Variants in DLG1 observed in about 807,000 individuals in gnomAD.
The protein encoded by DLG1 is disks large homolog 1.
Under a neutral mutation model 123.4 loss-of-function variants are expected in DLG1, and 42 were observed. The ratio of observed to expected loss-of-function variants is 0.34; its 90% CI spans 0.27 to 0.44. DLG1 has a LOEUF of 0.44. DLG1 is among the 20% of genes least tolerant of loss of function. The pLI is 1.00. For missense variants in DLG1, 942 were observed against 1,082.6 expected, an observed-to-expected ratio of 0.87 and a Z score of 1.82; for synonymous variants, 317 against 356.2, an observed-to-expected ratio of 0.89 and a Z score of 1.24.
At chr3:197,145,830 T>C (rs2149707493) in intron 6 of DLG1, among the ~76,000 whole-genome samples, 1 of 138,026 alleles carries the variant, frequency 7.2e-6, no homozygotes, top group South Asian at 2.5e-4. Flanking sequence ...GGTGTGGTGG[T>C]GCACGTCTTT....
intron 4 of DLG1, among the ~76,000 whole-genome samples, chr3:197,217,393 C>T (rs569877172): frequency 1.3e-5 from 2 of 152,190 alleles, no homozygotes; most frequent in South Asian, 2.1e-4. Flanking sequence ...TATGAACCAT[C>T]GAAGTTTGTA....
intron 6 of DLG1, among the ~76,000 whole-genome samples, chr3:197,144,239 T>C (rs1368176100): frequency 6.6e-6 from 1 of 152,234 alleles, no homozygotes; most frequent in African/African-American, 2.4e-5. Flanking sequence ...GGTCATCTGA[T>C]GCCTGATAGT....
At chr3:197,231,458 T>G (rs1371621444) in intron 4 of DLG1, among the ~76,000 whole-genome samples, 1 of 151,936 alleles carries the variant, frequency 6.6e-6, no homozygotes, top group African/African-American at 2.4e-5. Flanking sequence ...TCCCAACACT[T>G]TGGGAGGCCG....
At position 197,058,881 on chromosome 3, in the gene DLG1, G is replaced by A. The variant is rs147247874; in HGVS notation, c.2483+1008C>T. Among the ~76,000 whole-genome samples, 12 of 152,238 alleles carry A rather than the reference G, an allele frequency of 7.9e-5. No homozygotes were observed. In the East Asian group the frequency reaches 1.9e-3, roughly 24 times the overall value. ...TGCTATGAAGTGCAAACAAATGTAC[G>A]AACAGATCTTCCTGTTGGAGTGAAT... On this transcript the variant is annotated intron_variant, in intron 23 of 24. Coordinates refer to ENST00000667157, the MANE Select transcript of DLG1 (RefSeq NM_001366207.1).
At chr3:197,276,821 G>C (rs1212309340) in intron 4 of DLG1, among the ~76,000 whole-genome samples, 1 of 151,978 alleles carries the variant, frequency 6.6e-6, no homozygotes, top group Non-Finnish European at 1.5e-5. Flanking sequence ...AATTTTTGTG[G>C]TGTTTTTTGG....
chr3:197,136,462 T>C (rs929348216), intron 10 of DLG1, 80 bp downstream of exon 10: 1 of 1,170,588 alleles, frequency 8.5e-7, no homozygotes, highest in Non-Finnish European at 1.2e-6. Flanking sequence ...ACCTTTTTGG[T>C]ATGGAGAAAT....
rs1207324749 is a variant in DLG1 at position 197,297,836 on chromosome 3, T to TGCGCCCCGGCCAGACTCGGAGCA, written c.-31-624_-31-602dup. The TGCGCCCCGGCCAGACTCGGAGCA allele has an allele frequency of 2.8e-5, 28 of 984,762 alleles. No homozygotes were observed. In the Admixed American group the frequency reaches 4.3e-4, roughly 15 times the overall value. The allele number at this position is 984,762 out of a possible 1,614,324, so 61.0% of individuals were successfully genotyped here. ...GAGCGGCGTGCGCTCGGAACTGGGG[T>TGCGCCCCGGCCAGACTCGGAGCA]GCGCCCCGGCCAGACTCGGAGCAGC... is the stretch of plus-strand genomic sequence containing the variant. On this transcript the variant is annotated intron_variant, in intron 1 of 24. Transcript: ENST00000667157.
At chr3:197,066,986 T>C (rs1324784485) in intron 19 of DLG1, among the ~76,000 whole-genome samples, 2 of 152,148 alleles carry the variant, frequency 1.3e-5, no homozygotes, top group Non-Finnish European at 2.9e-5. Context: ...ATCAATATTA[T>C]ATTTTATAGA....
chr3:197,261,044 A>T (rs1759196003), intron 4 of DLG1, among the ~76,000 whole-genome samples: 1 of 152,180 alleles, frequency 6.6e-6, no homozygotes, highest in South Asian at 2.1e-4. Flanking sequence ...AATCCATTTC[A>T]CTGATCCCCC....
chr3:197,051,618 C>G lies in DLG1; in HGVS notation c.2534G>C (p.Arg845Thr), dbSNP rs750334615. The part of the protein sequence containing the change: ...TEEQARKTFE[R>T]AMKLEQEFTE... Reference sequence around the variant, plus strand: ...AAACTCCTGTTCCAGTTTCATGGCTCTCTCAAATGTTTTTCTGGCTTGTTC... The same window carrying G: ...AAACTCCTGTTCCAGTTTCATGGCTGTCTCAAATGTTTTTCTGGCTTGTTC... The change falls in exon 24 of 25, where the codon AGA (arginine) becomes ACA (threonine). Residue 845 changes from arginine to threonine, a missense_variant. Coordinates refer to ENST00000667157, the MANE Select transcript of DLG1 (RefSeq NM_001366207.1). The G allele has an allele frequency of 6.2e-7, 1 of 1,613,894 alleles. No individual in the cohort carries two copies. Among genetic ancestry groups the G allele is most frequent in the South Asian group, 1.1e-5 (1 of 91,084 alleles).
At chr3:197,179,276 A>C (rs1577602669) in intron 5 of DLG1, among the ~76,000 whole-genome samples, 2 of 152,056 alleles carry the variant, frequency 1.3e-5, no homozygotes, top group South Asian at 2.1e-4. Context: ...CTTGGTACCA[A>C]GTGGATAATC....
intron 3 of DLG1, among the ~76,000 whole-genome samples, chr3:197,294,476 C>A (rs143223909): frequency 2.6e-4 from 39 of 152,126 alleles, no homozygotes; most frequent in African/African-American, 9.2e-4. Context: ...GAAACCCCGT[C>A]TTTACTAAAA....
At chr3:197,269,043 C>T (rs867701296) in intron 4 of DLG1, among the ~76,000 whole-genome samples, 1 of 152,166 alleles carries the variant, frequency 6.6e-6, no homozygotes, top group East Asian at 1.9e-4. Flanking sequence ...TTCTGGAATA[C>T]CTCCTGAAGG....
rs143212607 is a variant in DLG1, at chr3:197,064,483, G to A, written c.2373+793C>T. Among the ~76,000 whole-genome samples, 164 of 152,254 alleles carry A rather than the reference G, an allele frequency of 1.1e-3. 1 individual carries two copies. Among genetic ancestry groups the A allele is most frequent in the East Asian group, 6.2e-3 (32 of 5,172 alleles). ...GCTGGGATTACAGGCGTGAGCCACC[G>A]CACCCGGCCTTTACATTTCTTTAAT... is the stretch of plus-strand genomic sequence containing the variant. On this transcript the variant is annotated intron_variant, in intron 22 of 24. Coordinates refer to ENST00000667157, the MANE Select transcript of DLG1 (RefSeq NM_001366207.1).
At chr3:197,171,490 G>T (rs939608005) in intron 5 of DLG1, among the ~76,000 whole-genome samples, 3 of 152,170 alleles carry the variant, frequency 2.0e-5, no homozygotes, top group African/African-American at 7.2e-5. Context: ...ATCACTAAGG[G>T]TATTAAAATC....
chr3:197,184,826 T>C (rs1481548310), intron 5 of DLG1, among the ~76,000 whole-genome samples: 2 of 152,212 alleles, frequency 1.3e-5, no homozygotes, highest in Admixed American at 6.5e-5. Flanking sequence ...CCAAATACTA[T>C]CACCTGATTG....
chr3:197,158,412 C>T (rs1356506344), intron 5 of DLG1, among the ~76,000 whole-genome samples: 2 of 145,638 alleles, frequency 1.4e-5, no homozygotes, highest in African/African-American at 5.1e-5. Context: ...TACCTGAAGT[C>T]GGGAGTTTGA....
intron 5 of DLG1, among the ~76,000 whole-genome samples, chr3:197,151,983 A>G (rs1794092769): frequency 6.6e-6 from 1 of 152,170 alleles, no homozygotes; most frequent in South Asian, 2.1e-4. Flanking sequence ...CCCAATCTCT[A>G]AGTGAATTAT....
chr3:197,059,276 G>A (rs1304599953), intron 23 of DLG1, among the ~76,000 whole-genome samples: 4 of 152,174 alleles, frequency 2.6e-5, no homozygotes, highest in African/African-American at 7.2e-5. Flanking sequence ...AAGTATATTC[G>A]TCAGCCATAT....
Sources: gnomAD v4.1 joint callset for allele counts (sites outside exome capture counted in the v4.1 genomes callset) on GRCh38, gnomAD v4.1.1 for gene constraint, MANE v1.5 for transcripts, NCBI Gene and HGNC (gene_info 2026-07-23, HGNC 2026-07-21) for gene names.